CLEC19A: variants seen among roughly 807,000 people sequenced by gnomAD.
CLEC19A encodes the protein C-type lectin domain family 19 member A.
A neutral mutation model predicts 26.1 loss-of-function variants in CLEC19A; 21 were observed. That is an observed-to-expected ratio of 0.80 (90% CI 0.57 to 1.16). The LOEUF (loss-of-function observed/expected upper bound fraction) is 1.16, where lower values mean the gene tolerates loss of function less well. CLEC19A is among the 50% of genes most tolerant of loss of function. The pLI is 0.00. For missense variants in CLEC19A, 224 were observed against 227.6 expected (o/e 0.98, Z 0.10); for synonymous variants, 89 against 88.6 (o/e 1.00, Z -0.03).
At chr16:19,298,964 A>T in intron 2 of CLEC19A, 126 bp downstream of exon 2, 1 of 1,094,588 alleles carries the variant, frequency 9.1e-7, no homozygotes, top group African/African-American at 1.6e-5. Context: ...ATGGAGATGG[A>T]GTCTTGCTAT....
chr16:19,307,047 G>A (rs1014591011), intron 3 of CLEC19A, among the ~76,000 whole-genome samples: 4 of 152,186 alleles, frequency 2.6e-5, no homozygotes, highest in South Asian at 2.1e-4. Context: ...CTTGCAATTG[G>A]ACAGAGTAGT....
intron 1 of CLEC19A, among the ~76,000 whole-genome samples, chr16:19,295,522 C>G (rs1367995778): frequency 6.6e-6 from 1 of 152,196 alleles, no homozygotes; most frequent in East Asian, 1.9e-4. Flanking sequence ...GATTTTAAAA[C>G]TGGGATGGTC....
At chr16:19,302,078 T>C (rs1159868515) in intron 2 of CLEC19A, among the ~76,000 whole-genome samples, 2 of 152,044 alleles carry the variant, frequency 1.3e-5, no homozygotes, top group East Asian at 3.9e-4. Flanking sequence ...TTTCTGAGAG[T>C]GAGCAAGGCT....
At chr16:19,289,270 C>G (rs77784518) in intron 1 of CLEC19A, among the ~76,000 whole-genome samples, 27,158 of 152,204 alleles carry the variant, frequency 0.18, 2,838 homozygotes, top group Non-Finnish European at 0.22. Context: ...GTACATACTT[C>G]TAGAATACTT....
intron 2 of CLEC19A, among the ~76,000 whole-genome samples, chr16:19,302,318 G>GA (rs1298991412): frequency 2.0e-5 from 3 of 152,104 alleles, no homozygotes; most frequent in Non-Finnish European, 4.4e-5. Flanking sequence ...AATGCCTCAA[G>GA]AAAAAAGAAA....
intron 2 of CLEC19A, among the ~76,000 whole-genome samples, 181 bp downstream of exon 2, chr16:19,299,019 C>G (rs1038638247): frequency 6.6e-6 from 1 of 152,180 alleles, no homozygotes; most frequent in Non-Finnish European, 1.5e-5. Context: ...GTGATTCTCC[C>G]CCTTAGACTC....
intron 1 of CLEC19A, among the ~76,000 whole-genome samples, chr16:19,294,302 T>G (rs778446437): frequency 6.6e-6 from 1 of 152,198 alleles, no homozygotes; most frequent in African/African-American, 2.4e-5. Context: ...TAGACTGGAC[T>G]TCTAAGGAAG....
chr16:19,307,705 G>T (rs1897986549), intron 4 of CLEC19A, 28 bp downstream of exon 4: 3 of 1,547,078 alleles, frequency 1.9e-6, no homozygotes, highest in Non-Finnish European at 2.6e-6. Flanking sequence ...CAAGGCTCTT[G>T]CAGGGGAGCC....
intron 3 of CLEC19A, 46 bp downstream of exon 3, chr16:19,304,201 G>T (rs1897900280): frequency 4.0e-6 from 6 of 1,484,710 alleles, no homozygotes; most frequent in Middle Eastern, 3.4e-4. Context: ...CTCCAGCCAG[G>T]ATTCTATTTT....
chr16:19,289,144 C>G (rs1457396059), intron 1 of CLEC19A, among the ~76,000 whole-genome samples: 1 of 152,196 alleles, frequency 6.6e-6, no homozygotes, highest in Non-Finnish European at 1.5e-5. Flanking sequence ...GAAGTTGGAG[C>G]ATAGAGACAT....
At position 19,301,735 on chromosome 16, in the gene CLEC19A, G is replaced by GTTTTTTTTTTTTT. The variant is rs750529291; in HGVS notation, c.255-2327_255-2326insTTTTTTTTTTTTT. Among the ~76,000 whole-genome samples, 154 of 35,060 alleles carry GTTTTTTTTTTTTT rather than the reference G, an allele frequency of 4.4e-3. 7 individuals carry two copies. The highest frequency in any genetic ancestry group is 6.4e-3 in the South Asian group (6 of 938). 23.0% of individuals were successfully genotyped at this position (35,060 alleles called of 152,430 possible). A position where few individuals can be genotyped will look rare whatever the true frequency, so the allele number is the denominator to read the frequency against. ...CATGACACCATGCCCAGGTTTTTTT[G>GTTTTTTTTTTTTT]GTTTTTTTTTTTTTTTTTTTTTTTT... On this transcript the variant is annotated intron_variant, in intron 2 of 4. Transcript: ENST00000636231.
chr16:19,293,453 ATTTTTTTAATT>A (rs1389971213), intron 1 of CLEC19A, among the ~76,000 whole-genome samples: 1 of 112,938 alleles, frequency 8.9e-6, no homozygotes, highest in African/African-American at 4.1e-5. Context: ...GTACTTTTTA[ATTTTTTTAATT>A]TTTTTTTTTT....
chr16:19,302,787 A>T (rs1199653048), intron 2 of CLEC19A, among the ~76,000 whole-genome samples: 1 of 152,116 alleles, frequency 6.6e-6, no homozygotes, highest in African/African-American at 2.4e-5. Flanking sequence ...CTGGATGAGC[A>T]GTTGTTTTGG....
chr16:19,304,204 T>A (rs1230385676), intron 3 of CLEC19A, 49 bp downstream of exon 3: 1 of 1,470,306 alleles, frequency 6.8e-7, no homozygotes, highest in Admixed American at 2.0e-5. Context: ...CAGCCAGGAT[T>A]CTATTTTGAT....
intron 3 of CLEC19A, 37 bp from the exon 4 acceptor site, chr16:19,307,508 G>C: frequency 6.5e-7 from 1 of 1,545,292 alleles, no homozygotes; most frequent in Non-Finnish European, 8.7e-7. Context: ...CTTCTTCTTG[G>C]CTTGCTTCTT....
chr16:19,291,246 C>T (rs1897577482), intron 1 of CLEC19A, among the ~76,000 whole-genome samples: 1 of 152,206 alleles, frequency 6.6e-6, no homozygotes, highest in Admixed American at 6.5e-5. Flanking sequence ...TTGTAACCTA[C>T]TGCCTGAGAC....
At position 19,298,243 on chromosome 16, in the gene CLEC19A, C is replaced by CAAA. The variant is rs377007663; in HGVS notation, c.89-416_89-414dup. ...GGCAACATGAGCAAAAACTCAATCTCAAAAAAAAAAAAAAAAGTATGTACA... is the reference window on the plus strand; with the variant it reads ...GGCAACATGAGCAAAAACTCAATCTCAAAAAAAAAAAAAAAAAAAGTATGTACA... On this transcript the variant is annotated intron_variant, in intron 1 of 4. Coordinates refer to ENST00000636231, the MANE Select transcript of CLEC19A (RefSeq NM_001256720.2). Among the ~76,000 whole-genome samples the CAAA allele has an allele frequency of 7.5e-4, 96 of 127,428 alleles. 1 individual carries two copies. The highest frequency in any genetic ancestry group is 2.5e-3 in the African/African-American group (82 of 33,014). 83.6% of individuals were successfully genotyped at this position (127,428 alleles called of 152,430 possible). A position where few individuals can be genotyped will look rare whatever the true frequency, so the allele number is the denominator to read the frequency against.
At chr16:19,307,513 C>T in intron 3 of CLEC19A, 32 bp from the exon 4 acceptor site, 2 of 1,545,908 alleles carry the variant, frequency 1.3e-6, no homozygotes, top group East Asian at 4.9e-5. Flanking sequence ...TCTTGGCTTG[C>T]TTCTTTGTCT....
chr16:19,294,316 G>C (rs774249996), intron 1 of CLEC19A, among the ~76,000 whole-genome samples: 23 of 152,062 alleles, frequency 1.5e-4, no homozygotes, highest in Admixed American at 3.3e-4. Flanking sequence ...AAGGAAGTGA[G>C]GGGGGGTGCC....
Sources: gnomAD v4.1 joint callset for allele counts (sites outside exome capture counted in the v4.1 genomes callset) on GRCh38, gnomAD v4.1.1 for gene constraint, MANE v1.5 for transcripts, NCBI Gene and HGNC (gene_info 2026-07-23, HGNC 2026-07-21) for gene names.